Variants in MYO5B observed in about 807,000 individuals in gnomAD.
MYO5B encodes unconventional myosin-Vb.
MYO5B carries 143 observed loss-of-function variants against 229.3 expected under a neutral mutation model. The ratio of observed to expected loss-of-function variants is 0.62; its 90% CI spans 0.54 to 0.72. The LOEUF (loss-of-function observed/expected upper bound fraction) is 0.72, where lower values mean the gene tolerates loss of function less well. Ranked by LOEUF, MYO5B falls within the 30% of genes least tolerant of loss-of-function variation. The pLI, the probability that MYO5B is intolerant of heterozygous loss-of-function variation, is 0.00. For missense variants in MYO5B, 2,321 were observed against 2,331.0 expected (o/e 1.00, Z 0.09); for synonymous variants, 918 against 885.2 (o/e 1.04, Z -0.66).
intron 22 of MYO5B, among the ~76,000 whole-genome samples, chr18:49,885,895 C>A (rs982081663): frequency 6.6e-6 from 1 of 152,160 alleles, no homozygotes; most frequent in Non-Finnish European, 1.5e-5. Context: ...GTAGGATACA[C>A]AATACAATAC....
chr18:49,906,489 C>T lies in MYO5B; in HGVS notation c.2344G>A (p.Val782Met), dbSNP rs1363281922. ...GCCCCCTTCAGCCTGTGATATTTCA[C>T]CTTCTGCAGCCATCCCCGGACAGTT... ...QKTVRGWLQKVKYHRLKGATL... is the reference protein window; with the variant it reads ...QKTVRGWLQKMKYHRLKGATL... Residue 782 changes from valine to methionine, a missense_variant, in exon 19 of 40, where the codon GTG (valine) becomes ATG (methionine). Around this residue, in one of 2 missense-constraint regions of MYO5B, gnomAD observed 2,113 missense variants for 2,044.7 expected, o/e 1.03. Transcript: ENST00000285039. 23 of 1,614,202 alleles carry T rather than the reference C, an allele frequency of 1.4e-5. No homozygotes were observed. Among genetic ancestry groups the T allele is most frequent in the Non-Finnish European group, 1.7e-5 (20 of 1,180,036 alleles).
chr18:50,091,957 A>AGAAACAGGGACAAAT (rs2031457126), intron 1 of MYO5B, among the ~76,000 whole-genome samples: 1 of 152,230 alleles, frequency 6.6e-6, no homozygotes, highest in South Asian at 2.1e-4. Flanking sequence ...AAATGTGATT[A>AGAAACAGGGACAAAT]GTCAGGGCAG....
At chr18:50,049,145 C>G (rs1440741216) in intron 2 of MYO5B, among the ~76,000 whole-genome samples, 1 of 151,944 alleles carries the variant, frequency 6.6e-6, no homozygotes, top group Non-Finnish European at 1.5e-5. Context: ...TCTACAGATT[C>G]TTGAAATTAA....
intron 4 of MYO5B, among the ~76,000 whole-genome samples, chr18:50,018,244 G>GC: frequency 6.7e-6 from 1 of 150,270 alleles, no homozygotes; most frequent in Non-Finnish European, 1.5e-5. Context: ...ATGCCACCAT[G>GC]CCCAGCTAGT....
Position 49,937,392 on chromosome 18 carries a change from T to G in MYO5B, c.1758A>C (p.Pro586=). The change falls in exon 15 of 40, where the codon CCA becomes CCC. Residue 586 remains proline (P), a synonymous_variant. Transcript: ENST00000285039. ...CATCATGAAACAAGTCAGCCACTAGTGGGAACTAGAAACAATCACAGGAAG... is the reference window on the plus strand; with the variant it reads ...CATCATGAAACAAGTCAGCCACTAGGGGGAACTAGAAACAATCACAGGAAG... ...QINILKASKF[P]LVADLFHDDK... is the part of the protein sequence containing the mutation. The G allele has an allele frequency of 6.2e-7, 1 of 1,613,938 alleles. No individual in the cohort carries two copies. The highest frequency in any genetic ancestry group is 1.6e-4 in the Middle Eastern group (1 of 6,062).
chr18:49,902,774 GC>G lies in MYO5B; in HGVS notation c.2630del (p.Arg877ProfsTer27). 1 of 1,604,964 alleles carries G rather than the reference GC, an allele frequency of 6.2e-7. No homozygotes were observed. The highest frequency in any genetic ancestry group is 8.5e-7 in the Non-Finnish European group (1 of 1,179,974). On this transcript the variant is annotated frameshift_variant, in exon 21 of 40. Transcript: ENST00000285039. LOFTEE classifies it high-confidence loss of function. The part of the protein sequence containing the change: ...IQKHVRGWMA[R>X]RHFQRLRDAA... ...CATCCCGCAGCCGCTGGAAGTGCCT[GC>G]GTGCCATCCAGCCCCGCACGTGCTT...
rs201537792 is a variant in MYO5B, at chr18:49,882,735, C to T, written c.3046-2280G>A. 2.1e-4 allele frequency among the ~76,000 whole-genome samples: 31 copies of T among 151,006 alleles called. No homozygotes were observed. In the South Asian group the frequency reaches 3.0e-3, roughly 14 times the overall value. ...GAAGTCACTGCATAGAGCAGTTGAT[C>T]AATATATGTAGATGGTTCTACATTA... On this transcript the variant is annotated intron_variant, in intron 22 of 39. Transcript: ENST00000285039.
intron 7 of MYO5B, among the ~76,000 whole-genome samples, chr18:49,986,620 T>A (rs940889959): frequency 3.3e-5 from 5 of 152,232 alleles, no homozygotes; most frequent in Non-Finnish European, 5.9e-5. Flanking sequence ...CAGATCTTTG[T>A]AGAAGACAGC....
At chr18:50,013,458 AT>A in intron 4 of MYO5B, among the ~76,000 whole-genome samples, 1 of 152,328 alleles carries the variant, frequency 6.6e-6, no homozygotes, top group South Asian at 2.1e-4. Context: ...AACGACACTT[AT>A]GTCAAGCACT....
At chr18:49,833,307 C>T (rs973040496) in intron 39 of MYO5B, among the ~76,000 whole-genome samples, 1 of 152,184 alleles carries the variant, frequency 6.6e-6, no homozygotes, top group Non-Finnish European at 1.5e-5. Context: ...AAGCCCAGAG[C>T]GCCCAAGCAA....
chr18:49,963,404 A>AT (rs1327587819), intron 10 of MYO5B, among the ~76,000 whole-genome samples: 5 of 144,518 alleles, frequency 3.5e-5, no homozygotes, highest in Admixed American at 6.9e-5. Context: ...ATTTAATTTA[A>AT]TTAATTAATT....
rs17799996 is a variant in MYO5B, at chr18:49,834,627, C to T, written c.5394+717G>A. On this transcript the variant is annotated intron_variant, in intron 39 of 39. Coordinates refer to ENST00000285039, the MANE Select transcript of MYO5B (RefSeq NM_001080467.3). ...TAATACATTTTCTTTCAAGCATTTT[C>T]CTAAAAGCAAATATTGTCTTTTTTT... Among the ~76,000 whole-genome samples the T allele has an allele frequency of 0.01, 1,530 of 152,286 alleles. 47 individuals carry two copies. The East Asian group carries it at 0.14, about 14-fold the overall frequency.
Position 50,070,645 on chromosome 18 carries a change from A to C in MYO5B, c.28-15267T>G, listed in dbSNP as rs534536506. Among the ~76,000 whole-genome samples the C allele has an allele frequency of 2.6e-5, 4 of 152,246 alleles. No homozygotes were observed. In the South Asian group the frequency reaches 8.3e-4, roughly 32 times the overall value. On this transcript the variant is annotated intron_variant, in intron 1 of 39. Transcript: ENST00000285039. ...AAATTCTGTTCTAGAATCATCTCAA[A>C]AACAAAAACACCTCATCCTGCACGA...
chr18:50,048,202 AT>A (rs1352470202), intron 2 of MYO5B, among the ~76,000 whole-genome samples: 2 of 150,678 alleles, frequency 1.3e-5, no homozygotes, highest in African/African-American at 5.0e-5. Flanking sequence ...ATCTTCTCCA[AT>A]CCCCAGAAAG....
chr18:49,986,164 C>T (rs2025868305), intron 7 of MYO5B, among the ~76,000 whole-genome samples: 1 of 152,154 alleles, frequency 6.6e-6, no homozygotes, highest in Admixed American at 6.5e-5. Flanking sequence ...CTTATTCCTT[C>T]CCCATCTCTA....
chr18:49,844,027 A>T (rs993662880), intron 33 of MYO5B, among the ~76,000 whole-genome samples: 4 of 152,080 alleles, frequency 2.6e-5, no homozygotes, highest in Non-Finnish European at 5.9e-5. Flanking sequence ...GCATCTCTCC[A>T]GCGGCTCTCT....
chr18:50,054,280 T>A (rs1361513373), intron 2 of MYO5B, among the ~76,000 whole-genome samples: 1 of 152,186 alleles, frequency 6.6e-6, no homozygotes, highest in Non-Finnish European at 1.5e-5. Context: ...AGGAAGAGGA[T>A]CACTTGAACC....
intron 1 of MYO5B, among the ~76,000 whole-genome samples, chr18:50,095,150 G>A (rs531272245): frequency 5.9e-5 from 9 of 152,250 alleles, no homozygotes; most frequent in South Asian, 2.1e-4. Flanking sequence ...AACATTCCCT[G>A]CACAACCTTT....
intron 27 of MYO5B, 74 bp from the exon 28 acceptor site, chr18:49,864,454 T>TCCC (rs2024373383): frequency 1.3e-6 from 2 of 1,579,078 alleles, no homozygotes; most frequent in Admixed American, 1.7e-5. Context: ...CCTCCCCTCC[T>TCCC]CCCCTTCTTT....
Sources: gnomAD v4.1 joint callset for allele counts (sites outside exome capture counted in the v4.1 genomes callset) on GRCh38, gnomAD v4.1.1 for gene constraint, gnomAD v4.1.1 regional missense constraint, MANE v1.5 for transcripts, NCBI Gene and HGNC (gene_info 2026-07-23, HGNC 2026-07-21) for gene names.